TTC34: variants seen among roughly 807,000 people sequenced by gnomAD.
The protein encoded by TTC34 is tetratricopeptide repeat domain 34, also known as tetratricopeptide repeat protein 34.
TTC34 carries 44 observed loss-of-function variants against 40.7 expected under a neutral mutation model. The ratio of observed to expected loss-of-function variants is 1.08; its 90% CI spans 0.85 to 1.39. The LOEUF (loss-of-function observed/expected upper bound fraction) is 1.39, where lower values mean the gene tolerates loss of function less well. Ranked by LOEUF, TTC34 falls within the 40% of genes most tolerant of loss-of-function variation. TTC34 has a pLI of 0.00. For missense variants in TTC34, 884 were observed against 838.0 expected, an observed-to-expected ratio of 1.05 and a Z score of -0.68; for synonymous variants, 422 against 398.6, an observed-to-expected ratio of 1.06 and a Z score of -0.70.
At position 2,637,614 on chromosome 1, in the gene TTC34, G is replaced by A. The variant is rs903327275; in HGVS notation, c.*3754C>T. The A allele has an allele frequency of 5.9e-5, 9 of 152,332 alleles. No individual in the cohort carries two copies. In the South Asian group the frequency reaches 6.2e-4, roughly 11 times the overall value. 9.4% of individuals were successfully genotyped at this position (152,332 alleles called of 1,614,324 possible). ...AGAATTGAGGGCCTCGGGAACCCAC[G>A]TGCTGCTGTGTGAGGCTGTCACGGC... On this transcript the variant is annotated 3_prime_UTR_variant, in exon 9 of 9. Coordinates refer to ENST00000401095, the Ensembl canonical transcript of TTC34.
exon 2 of TTC34, chr1:2,800,678 C>T: frequency 2.5e-6 from 1 of 398,550 alleles, no homozygotes; most frequent in Non-Finnish European, 4.4e-6. Flanking sequence ...GAGCCTGGGC[C>T]AGGGCAGTGC....
At chr1:2,687,946 A>T (rs112084084) in intron 6 of TTC34, among the ~76,000 whole-genome samples, 1,247 of 73,338 alleles carry the variant, frequency 0.017, 2 homozygotes, top group African/African-American at 0.062. Flanking sequence ...AGCCTCTGAC[A>T]GCCTGGAACA....
intron 6 of TTC34, among the ~76,000 whole-genome samples, chr1:2,677,662 C>A (rs1440095835): frequency 1.3e-5 from 2 of 151,466 alleles, no homozygotes; most frequent in East Asian, 3.9e-4. Context: ...CCCAGGCGAG[C>A]ATCTGACAGC....
exon 9 of TTC34, chr1:2,641,001 G>A: frequency 5.6e-6 from 1 of 180,090 alleles, no homozygotes; most frequent in Non-Finnish European, 1.1e-5. Context: ...TCATGCTGGG[G>A]CAGGGAAGCG....
chr1:2,700,118 G>T lies in TTC34; in HGVS notation c.2227-54555C>A, dbSNP rs975449426. Among the ~76,000 whole-genome samples, 2 of 120,266 alleles carry T rather than the reference G, an allele frequency of 1.7e-5. 1 individual carries two copies. The highest frequency in any genetic ancestry group is 3.9e-5 in the Non-Finnish European group (2 of 51,140). 78.9% of individuals were successfully genotyped at this position (120,266 alleles called of 152,430 possible). ...TCCCAGGTGAGCATCCGAGAGCCTG[G>T]AGCAGCATCCTCACCCCAGGTGAGC... On this transcript the variant is annotated intron_variant, in intron 6 of 8. Transcript: ENST00000401095.
At chr1:2,641,847 G>T (rs1638913731) in exon 9 of TTC34, 6 of 1,520,360 alleles carry the variant, frequency 3.9e-6, no homozygotes, top group Non-Finnish European at 5.3e-6. Context: ...CCCAGCGCCT[G>T]CCTGGGTTGC....
chr1:2,650,505 C>T (rs573213001), intron 6 of TTC34, among the ~76,000 whole-genome samples: 1 of 151,782 alleles, frequency 6.6e-6, no homozygotes, highest in Admixed American at 6.6e-5. Context: ...CCCCACTACC[C>T]CAGGTGAGCA....
intron 6 of TTC34, among the ~76,000 whole-genome samples, chr1:2,654,282 ACCCT>A (rs1639261166): frequency 6.7e-6 from 1 of 149,570 alleles, no homozygotes; most frequent in Non-Finnish European, 1.5e-5. Context: ...CTGGAAAAGC[ACCCT>A]GCACCCCCAG....
intron 6 of TTC34, among the ~76,000 whole-genome samples, chr1:2,692,504 C>T (rs1267457130): frequency 5.6e-5 from 5 of 89,402 alleles, no homozygotes; most frequent in African/African-American, 1.3e-4. Flanking sequence ...GCAGCCTGCA[C>T]CCCCAGGTGT....
intron 6 of TTC34, among the ~76,000 whole-genome samples, chr1:2,753,665 G>T (rs1641402752): frequency 9.8e-6 from 1 of 102,018 alleles, no homozygotes; most frequent in Non-Finnish European, 1.8e-5. Context: ...CACCCCAGGT[G>T]AGCATCTGAG....
At chr1:2,755,612 A>G (rs1641477839) in intron 6 of TTC34, among the ~76,000 whole-genome samples, 2 of 123,820 alleles carry the variant, frequency 1.6e-5, no homozygotes, top group Admixed American at 8.2e-5. Context: ...AGCCTGGAGC[A>G]GCACCCACAC....
At chr1:2,686,637 C>A (rs1017783128) in intron 6 of TTC34, among the ~76,000 whole-genome samples, 2 of 149,290 alleles carry the variant, frequency 1.3e-5, no homozygotes, top group Non-Finnish European at 3.0e-5. Context: ...TAACAGCACC[C>A]ACACACCCAG....
At chr1:2,788,381 G>A (rs1557691574) in intron 3 of TTC34, among the ~76,000 whole-genome samples, 2 of 151,596 alleles carry the variant, frequency 1.3e-5, no homozygotes, top group Admixed American at 1.3e-4. Context: ...TGGTGTGTAT[G>A]GTGTGTGTCT....
chr1:2,790,584 C>T (rs971395223), intron 2 of TTC34, among the ~76,000 whole-genome samples: 9 of 152,308 alleles, frequency 5.9e-5, no homozygotes, highest in African/African-American at 1.9e-4. Flanking sequence ...GGGCAAGCGG[C>T]GAGGGGGCAG....
intron 6 of TTC34, among the ~76,000 whole-genome samples, chr1:2,691,633 C>A (rs1270132999): frequency 5.5e-4 from 34 of 61,602 alleles, no homozygotes; most frequent in African/African-American, 5.7e-4. Context: ...CCCCCAGGTG[C>A]GCACGTGACA....
intron 6 of TTC34, among the ~76,000 whole-genome samples, chr1:2,684,395 C>T (rs1329147974): frequency 7.2e-6 from 1 of 139,808 alleles, no homozygotes; most frequent in Non-Finnish European, 1.5e-5. Context: ...AGAATCCACA[C>T]CCCCAGGTGA....
chr1:2,684,361 G>C (rs1640220279), intron 6 of TTC34, among the ~76,000 whole-genome samples: 1 of 151,944 alleles, frequency 6.6e-6, no homozygotes, highest in Non-Finnish European at 1.5e-5. Flanking sequence ...CACACCCACA[G>C]GTGAGCATCT....
chr1:2,639,673 G>A (rs1054922844), exon 9 of TTC34: 1 of 152,412 alleles, frequency 6.6e-6, no homozygotes, highest in Non-Finnish European at 1.5e-5. Context: ...TCAAATTGGT[G>A]CCTGCGCTGG....
chr1:2,750,390 G>A (rs1217187406), intron 6 of TTC34, among the ~76,000 whole-genome samples: 2 of 108,238 alleles, frequency 1.8e-5, no homozygotes, highest in African/African-American at 4.3e-5. Flanking sequence ...TGACAGCCTG[G>A]AACAGCACGC....
Sources: allele counts gnomAD v4.1 joint callset (sites outside exome capture counted in the v4.1 genomes callset), GRCh38; gene constraint gnomAD v4.1.1; transcripts MANE v1.5; gene names NCBI Gene and HGNC (gene_info 2026-07-23, HGNC 2026-07-21).